SURF4: variants seen among roughly 807,000 people sequenced by gnomAD.
The protein encoded by SURF4 is surfeit locus protein 4.
Under a neutral mutation model 30.0 loss-of-function variants are expected in SURF4, and 3 were observed. That is an observed-to-expected ratio of 0.10 (90% CI 0.05 to 0.26). The LOEUF (loss-of-function observed/expected upper bound fraction) is 0.26. Ranked by LOEUF, SURF4 falls within the 10% of genes least tolerant of loss-of-function variation. SURF4 has a pLI of 1.00. For synonymous variants in SURF4, 143 were observed against 139.9 expected (o/e 1.02, Z -0.16); for missense variants, 217 against 350.8 (o/e 0.62, Z 3.05).
upstream of SURF4, among the ~76,000 whole-genome samples, chr9:133,377,540 G>A (rs1220489288): frequency 6.6e-6 from 1 of 152,226 alleles, no homozygotes; most frequent in Non-Finnish European, 1.5e-5. Flanking sequence ...GCGCATGCCT[G>A]TAATCACAGC....
In SURF4 at chr9:133,366,002, G is replaced by A. The variant is rs1837147409; in HGVS notation, c.339C>T (p.Asp113=). ...GCACATACCTCATCAAAAACTTCAA[G>A]TCCCATAAAATGCTGTAGGCAATCG... ...LQTIAYSILW[D]LKFLMRNLAL... is the part of the protein sequence containing the mutation. Residue 113 remains aspartate, a synonymous_variant, in exon 4 of 6, where the codon GAC becomes GAT. Coordinates refer to ENST00000371989, the MANE Select transcript of SURF4 (RefSeq NM_033161.4). The A allele has an allele frequency of 6.2e-7, 1 of 1,614,082 alleles. No individual in the cohort carries two copies. Among genetic ancestry groups the A allele is most frequent in the Non-Finnish European group, 8.5e-7 (1 of 1,180,008 alleles).
chr9:133,373,093 G>A (rs2130202886), intron 1 of SURF4, among the ~76,000 whole-genome samples: 4 of 152,226 alleles, frequency 2.6e-5, no homozygotes, highest in African/African-American at 9.6e-5. Context: ...ACCCGCTAGT[G>A]CTCTTCCCTT....
intron 2 of SURF4, 114 bp downstream of exon 2, chr9:133,367,145 A>C: frequency 6.8e-6 from 9 of 1,324,970 alleles, no homozygotes; most frequent in Non-Finnish European, 9.3e-6. Context: ...GAAGAGGGGA[A>C]TGGAGGGGGG....
chr9:133,375,572 C>T (rs2130238641), intron 1 of SURF4, among the ~76,000 whole-genome samples: 1 of 152,320 alleles, frequency 6.6e-6, no homozygotes, highest in South Asian at 2.1e-4. Flanking sequence ...CGCCGAGGCG[C>T]TCCCCGCGAG....
intron 1 of SURF4, among the ~76,000 whole-genome samples, chr9:133,371,844 C>T (rs1041973225): frequency 1.3e-5 from 2 of 152,184 alleles, no homozygotes; most frequent in African/African-American, 4.8e-5. Context: ...TCAACTAGGG[C>T]CGAGGCCAGC....
rs2130089008 is a variant in SURF4, at chr9:133,363,600, G to C, written c.703C>G (p.Leu235Val). ...ATGGTCTGGAAGAAGTCGTATTTCA[G>C]GAAGTCATGCATGGGCTTGTAGACT... is the stretch of plus-strand genomic sequence containing the variant. ...IPVYKPMHDF[L>V]KYDFFQTMSV... Residue 235 changes from leucine to valine, a missense_variant, in exon 6 of 6, where the codon CTG becomes GTG. By Grantham distance (32) the Leu-to-Val change is conservative (BLOSUM62 1). Transcript: ENST00000371989. This position sits in a 1 kb window ranked among gnomAD's most constrained non-coding sequence, Gnocchi z 4.3. 8 of 1,614,194 alleles carry C rather than the reference G, an allele frequency of 5.0e-6. No individual in the cohort carries two copies. The Middle Eastern group carries it at 6.6e-4, about 133-fold the overall frequency.
chr9:133,371,085 T>C, intron 1 of SURF4: 1 of 985,462 alleles, frequency 1.0e-6, no homozygotes, highest in Non-Finnish European at 1.2e-6. Context: ...CAGTGATCAC[T>C]GTCACAGCCA....
chr9:133,365,058 G>A, intron 4 of SURF4, 32 bp from the exon 5 acceptor site: 3 of 1,489,802 alleles, frequency 2.0e-6, no homozygotes, highest in Non-Finnish European at 2.7e-6. Context: ...TGGAAGCTAA[G>A]CCTCACCAGG....
At chr9:133,370,797 C>T (rs1404466891) in intron 1 of SURF4, 1 of 1,114,112 alleles carries the variant, frequency 9.0e-7, no homozygotes, top group Non-Finnish European at 1.2e-6. Context: ...CCCTCCCCCC[C>T]ATTAGAGAAC....
chr9:133,371,890 G>A (rs2130193109), intron 1 of SURF4, among the ~76,000 whole-genome samples: 12 of 152,214 alleles, frequency 7.9e-5, no homozygotes, highest in Non-Finnish European at 1.8e-4. Context: ...CACTCTTGAG[G>A]ACAGGTTAAA....
chr9:133,371,192 T>G, intron 1 of SURF4: 1 of 945,074 alleles, frequency 1.1e-6, no homozygotes, highest in Non-Finnish European at 1.3e-6. Context: ...GTGGTGAATG[T>G]GAACATCGAC....
intron 1 of SURF4, among the ~76,000 whole-genome samples, chr9:133,375,666 G>T (rs1052926008): frequency 6.6e-6 from 1 of 152,144 alleles, no homozygotes; most frequent in Non-Finnish European, 1.5e-5. Flanking sequence ...TGGCTGGAGG[G>T]TGGGGGCGGC....
At chr9:133,375,404 G>T in intron 1 of SURF4, 2 of 985,730 alleles carry the variant, frequency 2.0e-6, no homozygotes, top group Non-Finnish European at 2.4e-6. Flanking sequence ...AAAGAGAAAA[G>T]GAAAAGGTGC....
At chr9:133,377,004 GT>G (rs2130252540), upstream of SURF4, among the ~76,000 whole-genome samples, 52 of 152,296 alleles carry the variant, frequency 3.4e-4, no homozygotes, top group East Asian at 8.3e-3. Flanking sequence ...AAAAGTAAAT[GT>G]TTAATTAAAT....
At chr9:133,364,332 T>C (rs1352704392) in intron 5 of SURF4, among the ~76,000 whole-genome samples, 1 of 152,200 alleles carries the variant, frequency 6.6e-6, no homozygotes, top group Non-Finnish European at 1.5e-5. Flanking sequence ...CTGGCCTTCA[T>C]TTGCTGGAAA....
chr9:133,366,448 C>T (rs1386409932), intron 3 of SURF4, 151 bp downstream of exon 3: 7 of 829,162 alleles, frequency 8.4e-6, no homozygotes, highest in Middle Eastern at 3.1e-4. Context: ...CTTGGGCTCA[C>T]GACTTCCCCA....
chr9:133,372,477 C>T, intron 1 of SURF4: 1 of 571,374 alleles, frequency 1.8e-6, no homozygotes, highest in Non-Finnish European at 2.2e-6. Context: ...CAACCTCCTA[C>T]AGTCAAGAAG....
rs1836873469 is a variant in SURF4, at chr9:133,362,464, G to A, written c.*1029C>T. 1 of 152,696 alleles carries A rather than the reference G, an allele frequency of 6.5e-6. No homozygotes were observed. Among genetic ancestry groups the A allele is most frequent in the South Asian group, 2.1e-4 (1 of 4,834 alleles). 9.5% of individuals were successfully genotyped at this position (152,696 alleles called of 1,614,324 possible). A position where few individuals can be genotyped will look rare whatever the true frequency, so the allele number is the denominator to read the frequency against. On this transcript the variant is annotated 3_prime_UTR_variant, in exon 6 of 6. Coordinates refer to ENST00000371989, the MANE Select transcript of SURF4 (RefSeq NM_033161.4). The stretch of plus-strand genomic sequence containing the variant: ...CTGAGTGAGCGACAGCCTCAGGAAA[G>A]TGGTGTGTCGGGGCTGTCCACAGGG...
chr9:133,376,162 G>GT, upstream of SURF4: 2 of 1,225,970 alleles, frequency 1.6e-6, no homozygotes, highest in Non-Finnish European at 2.0e-6. Flanking sequence ...GCCCCGGTGC[G>GT]TCTTAAAGGG....
Sources: gnomAD v4.1 joint callset for allele counts (sites outside exome capture counted in the v4.1 genomes callset) on GRCh38, gnomAD v4.1.1 for gene constraint, Gnocchi (gnomAD v3.1) non-coding constraint, MANE v1.5 for transcripts, NCBI Gene and HGNC (gene_info 2026-07-23, HGNC 2026-07-21) for gene names.